The following VAV3 variants were observed in gnomAD, a reference collection of about 807,000 sequenced individuals.
The protein encoded by VAV3 is guanine nucleotide exchange factor VAV3.
A neutral mutation model predicts 131.2 loss-of-function variants in VAV3; 94 were observed. The ratio of observed to expected loss-of-function variants is 0.72; its 90% CI spans 0.61 to 0.85. The LOEUF (loss-of-function observed/expected upper bound fraction) is 0.85, where lower values mean the gene tolerates loss of function less well. Among genes scored for constraint, VAV3 ranks in the 40% least tolerant of loss-of-function variants. The pLI, the probability that VAV3 is intolerant of heterozygous loss-of-function variation, is 0.00. For missense variants in VAV3, 939 were observed against 1,002.7 expected, an observed-to-expected ratio of 0.94 and a Z score of 0.86; for synonymous variants, 349 against 342.0, an observed-to-expected ratio of 1.02 and a Z score of -0.22.
chr1:107,642,580 G>T, intron 20 of VAV3, 39 bp downstream of exon 20: 1 of 1,605,548 alleles, frequency 6.2e-7, no homozygotes, highest in South Asian at 1.1e-5. Flanking sequence ...ACCCTCTCTT[G>T]GGGTCTGCAT....
At chr1:107,864,594 G>A (rs1557889111) in intron 2 of VAV3, among the ~76,000 whole-genome samples, 2 of 152,200 alleles carry the variant, frequency 1.3e-5, no homozygotes, top group Non-Finnish European at 2.9e-5. Flanking sequence ...CTGCACTCCA[G>A]CCTAGGCATG....
intron 1 of VAV3, among the ~76,000 whole-genome samples, chr1:107,912,806 C>G (rs746214046): frequency 6.6e-6 from 1 of 152,200 alleles, no homozygotes; most frequent in African/African-American, 2.4e-5. Context: ...CCACATCTCT[C>G]TAGCAGATTC....
At chr1:107,783,890 T>C (rs1028176717) in intron 2 of VAV3, among the ~76,000 whole-genome samples, 3 of 78,388 alleles carry the variant, frequency 3.8e-5, no homozygotes, top group African/African-American at 1.5e-4. Flanking sequence ...CTACTAAAAA[T>C]ACAAAAAAAA....
At chr1:107,627,492 T>C (rs372298821) in intron 20 of VAV3, among the ~76,000 whole-genome samples, 3 of 152,294 alleles carry the variant, frequency 2.0e-5, no homozygotes, top group Admixed American at 1.3e-4. Flanking sequence ...ACATTAAATA[T>C]TGGGAAGAGG....
At chr1:107,595,715 T>C (rs1167121341) in intron 25 of VAV3, among the ~76,000 whole-genome samples, 2 of 152,138 alleles carry the variant, frequency 1.3e-5, no homozygotes, top group South Asian at 2.1e-4. Context: ...TGAAAGAAAG[T>C]GGCCAATGTA....
intron 19 of VAV3, chr1:107,673,622 G>C (rs1171222197): frequency 1.3e-5 from 2 of 152,124 alleles, no homozygotes; most frequent in Non-Finnish European, 2.9e-5. Flanking sequence ...GTTGTGTGAG[G>C]GAAAACACAT....
intron 4 of VAV3, among the ~76,000 whole-genome samples, chr1:107,773,669 T>C (rs1197195404): frequency 1.3e-5 from 2 of 152,102 alleles, no homozygotes; most frequent in South Asian, 2.1e-4. Flanking sequence ...GCTTTCTACT[T>C]TGGGACACCA....
intron 20 of VAV3, among the ~76,000 whole-genome samples, chr1:107,632,489 A>G (rs1432366252): frequency 6.6e-6 from 1 of 152,214 alleles, no homozygotes; most frequent in African/African-American, 2.4e-5. Flanking sequence ...TTTTTCTCAT[A>G]CTGCCAGTGG....
At chr1:107,678,886 A>G (rs1293283559) in intron 19 of VAV3, among the ~76,000 whole-genome samples, 1 of 152,068 alleles carries the variant, frequency 6.6e-6, no homozygotes, top group Non-Finnish European at 1.5e-5. Flanking sequence ...AGACACTGCT[A>G]TACGTAATAA....
chr1:107,769,576 G>C (rs1218220738), intron 6 of VAV3, among the ~76,000 whole-genome samples: 1 of 152,208 alleles, frequency 6.6e-6, no homozygotes, highest in Non-Finnish European at 1.5e-5. Context: ...TAATGCCATT[G>C]TGTGATGATA....
At chr1:107,576,286 G>C (rs1311142443) in intron 25 of VAV3, 1 of 908,226 alleles carries the variant, frequency 1.1e-6, no homozygotes, top group East Asian at 2.9e-5. Flanking sequence ...TCGAGGGATT[G>C]TCTGTGAGGA....
Position 107,871,958 on chromosome 1 carries a change from A to T in VAV3, c.321+2943T>A, listed in dbSNP as rs374362984. Among the ~76,000 whole-genome samples, 7 of 152,178 alleles carry T rather than the reference A, an allele frequency of 4.6e-5. No homozygotes were observed. The South Asian group carries it at 1.4e-3, about 31-fold the overall frequency. On this transcript the variant is annotated intron_variant, in intron 2 of 26. Transcript: ENST00000370056. ...GCTGCAGACTCATGCAGTATCCTAA[A>T]TCTTTCCTTTCTTTCTAAAGTATAA... is the stretch of plus-strand genomic sequence containing the variant.
intron 2 of VAV3, among the ~76,000 whole-genome samples, chr1:107,854,949 G>A (rs527713955): frequency 2.6e-5 from 4 of 152,252 alleles, no homozygotes; most frequent in African/African-American, 7.2e-5. Flanking sequence ...CATAGCGACC[G>A]AGCATCCATC....
At chr1:107,592,287 AT>A (rs1461864952) in intron 25 of VAV3, among the ~76,000 whole-genome samples, 1 of 152,160 alleles carries the variant, frequency 6.6e-6, no homozygotes, top group East Asian at 1.9e-4. Context: ...GATTCCACTT[AT>A]GCTTTTTGGG....
At chr1:107,757,052 C>A (rs12049477) in intron 11 of VAV3, among the ~76,000 whole-genome samples, 32,077 of 148,904 alleles carry the variant, frequency 0.22, 3,560 homozygotes, top group East Asian at 0.39. Context: ...AAAAAAAAAT[C>A]CAGTTTTCTC....
rs1270697072 is a variant in VAV3, at chr1:107,683,496, A to C, written c.1769T>G (p.Val590Gly). ...TNGLRRTPKQ[V>G]DPGLPKMQVI... ...TTTAATCAGAAACACACCTGGATCC[A>C]CCTGTTTAGGAGTTCTTCGCAGTCC... The change falls in exon 19 of 27, where the codon GTG (valine) becomes GGG (glycine). Residue 590 changes from valine to glycine, a missense_variant. Coordinates refer to ENST00000370056, the MANE Select transcript of VAV3 (RefSeq NM_006113.5). The C allele has an allele frequency of 6.2e-7, 1 of 1,614,030 alleles. No homozygotes were observed. Among genetic ancestry groups the C allele is most frequent in the Non-Finnish European group, 8.5e-7 (1 of 1,179,896 alleles).
intron 2 of VAV3, among the ~76,000 whole-genome samples, chr1:107,835,269 G>A (rs555785853): frequency 3.2e-4 from 48 of 152,286 alleles, no homozygotes; most frequent in African/African-American, 1.1e-3. Context: ...CCCCACATGA[G>A]TGCTTTCCTG....
intron 15 of VAV3, among the ~76,000 whole-genome samples, chr1:107,726,991 T>C (rs1342445447): frequency 3.3e-5 from 5 of 151,904 alleles, no homozygotes; most frequent in Non-Finnish European, 1.5e-5. Flanking sequence ...TTTTTGAAAA[T>C]AAAAAAAGAA....
chr1:107,878,804 G>A (rs973500626), intron 1 of VAV3, among the ~76,000 whole-genome samples: 2 of 152,156 alleles, frequency 1.3e-5, no homozygotes, highest in South Asian at 4.1e-4. Flanking sequence ...GGGTGAAGAT[G>A]TGGTACCATG....
Sources: gnomAD v4.1 joint callset for allele counts (sites outside exome capture counted in the v4.1 genomes callset) on GRCh38, gnomAD v4.1.1 for gene constraint, MANE v1.5 for transcripts, NCBI Gene and HGNC (gene_info 2026-07-23, HGNC 2026-07-21) for gene names.